The following MGMT variants were observed in gnomAD, a reference collection of about 807,000 sequenced individuals.
MGMT encodes the protein O-6-methylguanine-DNA methyltransferase, also known as methylated-DNA--protein-cysteine methyltransferase.
Under a neutral mutation model 15.9 loss-of-function variants are expected in MGMT, and 14 were observed. The ratio of observed to expected loss-of-function variants is 0.88; its 90% CI spans 0.58 to 1.37. The LOEUF (loss-of-function observed/expected upper bound fraction) is 1.37, where lower values mean the gene tolerates loss of function less well. MGMT is among the 40% of genes most tolerant of loss of function. MGMT has a pLI of 0.00. For missense variants in MGMT, 282 were observed against 268.1 expected (o/e 1.05, Z -0.36); for synonymous variants, 130 against 118.2 (o/e 1.10, Z -0.65).
chr10:129,726,100 A>G (rs1258840780), intron 3 of MGMT, among the ~76,000 whole-genome samples: 2 of 152,016 alleles, frequency 1.3e-5, no homozygotes, highest in Non-Finnish European at 2.9e-5. Context: ...AGGGACCATG[A>G]GTAGCTTCTG....
intron 2 of MGMT, among the ~76,000 whole-genome samples, chr10:129,668,975 A>G (rs1199803221): frequency 6.6e-6 from 1 of 152,080 alleles, no homozygotes; most frequent in East Asian, 1.9e-4. Flanking sequence ...AGTCTTGCAT[A>G]CATTTTGTTG....
chr10:129,646,876 G>A (rs985117204), intron 2 of MGMT, among the ~76,000 whole-genome samples: 117 of 150,938 alleles, frequency 7.8e-4, no homozygotes, highest in Non-Finnish European at 2.8e-4. Flanking sequence ...AGCGGGTGAA[G>A]GACAGGCGTG....
At chr10:129,609,420 G>A (rs1363203005) in intron 2 of MGMT, among the ~76,000 whole-genome samples, 1 of 151,834 alleles carries the variant, frequency 6.6e-6, no homozygotes, top group Non-Finnish European at 1.5e-5. Context: ...AGCCCCTGGA[G>A]GCTGGATGGT....
At chr10:129,647,538 G>A (rs929892128) in intron 2 of MGMT, among the ~76,000 whole-genome samples, 4 of 152,154 alleles carry the variant, frequency 2.6e-5, no homozygotes, top group Non-Finnish European at 5.9e-5. Flanking sequence ...GGCCAGATAC[G>A]TTTGGAGCTT....
rs547634066 is a variant in MGMT, at chr10:129,536,602, C to T, written c.125+225C>T. ...TCTCCACCTCCGATGAACCCAGGGC[C>T]GTTCCCTTCATACCCTTTCATTAGT... On this transcript the variant is annotated intron_variant, in intron 2 of 4. Transcript: ENST00000651593. 20 of 509,792 alleles carry T rather than the reference C, an allele frequency of 3.9e-5. No individual in the cohort carries two copies. The East Asian group carries it at 5.0e-4, about 13-fold the overall frequency. The allele number at this position is 509,792 out of a possible 1,614,324, so 31.6% of individuals were successfully genotyped here.
At chr10:129,613,970 C>T (rs1032410514) in intron 2 of MGMT, among the ~76,000 whole-genome samples, 1 of 152,172 alleles carries the variant, frequency 6.6e-6, no homozygotes, top group African/African-American at 2.4e-5. Context: ...AAATTTCCCA[C>T]CTTCACCATT....
intron 2 of MGMT, among the ~76,000 whole-genome samples, chr10:129,540,742 T>TCC (rs1214438454): frequency 2.0e-5 from 3 of 152,274 alleles, no homozygotes; most frequent in Non-Finnish European, 4.4e-5. Flanking sequence ...CTGAAAGAGT[T>TCC]AAGTGTTGGA....
intron 1 of MGMT, among the ~76,000 whole-genome samples, chr10:129,474,311 A>G (rs1490680572): frequency 6.6e-6 from 1 of 152,152 alleles, no homozygotes. Context: ...AGGATGCAGG[A>G]TGGTGGCAGC....
intron 2 of MGMT, among the ~76,000 whole-genome samples, chr10:129,670,873 T>A (rs1054592707): frequency 3.3e-5 from 5 of 152,342 alleles, no homozygotes; most frequent in South Asian, 2.1e-4. Flanking sequence ...ATGAAAAGAT[T>A]TAATTTTTCT....
At chr10:129,473,176 A>G (rs1219709640) in intron 1 of MGMT, among the ~76,000 whole-genome samples, 1 of 152,254 alleles carries the variant, frequency 6.6e-6, no homozygotes, top group African/African-American at 2.4e-5. Flanking sequence ...TGACACCAGC[A>G]TGTGACAGTA....
intron 2 of MGMT, among the ~76,000 whole-genome samples, chr10:129,545,624 C>T (rs970368722): frequency 3.3e-5 from 5 of 152,190 alleles, no homozygotes; most frequent in Non-Finnish European, 5.9e-5. Flanking sequence ...CATTGCATCT[C>T]GGGCCAGCCT....
chr10:129,614,021 G>A (rs537113325), intron 2 of MGMT, among the ~76,000 whole-genome samples: 6 of 152,190 alleles, frequency 3.9e-5, no homozygotes, highest in East Asian at 3.9e-4. Flanking sequence ...CATTCACACC[G>A]TCGTGCAGCC....
intron 2 of MGMT, among the ~76,000 whole-genome samples, chr10:129,705,273 T>C (rs1848147436): frequency 6.6e-6 from 1 of 152,196 alleles, no homozygotes; most frequent in Non-Finnish European, 1.5e-5. Flanking sequence ...TTGTCTCTTG[T>C]TAAAATGTGA....
intron 2 of MGMT, among the ~76,000 whole-genome samples, chr10:129,578,416 A>G (rs1846512588): frequency 6.6e-6 from 1 of 152,142 alleles, no homozygotes; most frequent in Non-Finnish European, 1.5e-5. Context: ...CATCATTCTC[A>G]GCAAACTATT....
intron 2 of MGMT, among the ~76,000 whole-genome samples, chr10:129,579,178 G>C (rs1589876895): frequency 6.6e-6 from 1 of 152,170 alleles, no homozygotes; most frequent in Admixed American, 6.5e-5. Flanking sequence ...AAGGAAAAAC[G>C]GCCATTGTTT....
chr10:129,600,686 A>G (rs1425884368), intron 2 of MGMT, among the ~76,000 whole-genome samples: 1 of 152,142 alleles, frequency 6.6e-6, no homozygotes, highest in Non-Finnish European at 1.5e-5. Context: ...TAGCACCCCC[A>G]TAGGCTGCCC....
intron 4 of MGMT, among the ~76,000 whole-genome samples, chr10:129,764,226 G>C (rs1848907221): frequency 6.6e-6 from 1 of 152,266 alleles, no homozygotes; most frequent in Non-Finnish European, 1.5e-5. Context: ...GACAGGCCTG[G>C]TGGGGCCTTG....
intron 2 of MGMT, among the ~76,000 whole-genome samples, chr10:129,544,544 G>T (rs1737690608): frequency 6.6e-6 from 1 of 152,220 alleles, no homozygotes; most frequent in South Asian, 2.1e-4. Context: ...AGATGACAGT[G>T]TCCTTTCTCG....
intron 1 of MGMT, among the ~76,000 whole-genome samples, chr10:129,489,388 TGG>T (rs1845445134): frequency 7.3e-6 from 1 of 137,474 alleles, no homozygotes; most frequent in African/African-American, 2.8e-5. Flanking sequence ...AAAAAAAAAT[TGG>T]TGAGTAAATC....
Sources: gnomAD v4.1 joint callset for allele counts (sites outside exome capture counted in the v4.1 genomes callset) on GRCh38, gnomAD v4.1.1 for gene constraint, MANE v1.5 for transcripts, NCBI Gene and HGNC (gene_info 2026-07-23, HGNC 2026-07-21) for gene names.